PRSS23: variants seen among roughly 807,000 people sequenced by gnomAD.
The protein encoded by PRSS23 is protease, serine 23.
In PRSS23, 25 loss-of-function variants were observed where a neutral mutation model predicts 34.7. The ratio of observed to expected loss-of-function variants is 0.72; its 90% CI spans 0.53 to 1.01. The LOEUF is 1.01. Among genes scored for constraint, PRSS23 ranks in the 50% least tolerant of loss-of-function variants. PRSS23 has a pLI of 0.00. For missense variants in PRSS23, 445 were observed against 475.6 expected, an observed-to-expected ratio of 0.94 and a Z score of 0.60; for synonymous variants, 176 against 186.6, an observed-to-expected ratio of 0.94 and a Z score of 0.46.
At chr11:86,934,318 C>G (rs1949146226) in intron 2 of PRSS23, 2 of 152,158 alleles carry the variant, frequency 1.3e-5, no homozygotes, top group African/African-American at 4.8e-5. Context: ...CTCCTGGGAT[C>G]ATCTGGGTAA....
rs960934106 is a variant in PRSS23 at position 86,846,304 on chromosome 11, C to G, written c.206+22711C>G. 2.6e-5 allele frequency among the ~76,000 whole-genome samples: 4 copies of G among 152,188 alleles called. No homozygotes were observed. In the East Asian group the frequency reaches 5.8e-4, roughly 22 times the overall value. Reference sequence around the variant, plus strand: ...CATCACACTGTGAGTACAATCAGACCTCTTTTGCTTGCTATTCTGTCCTGT... The same window carrying G: ...CATCACACTGTGAGTACAATCAGACGTCTTTTGCTTGCTATTCTGTCCTGT... On this transcript the variant is annotated intron_variant, in intron 2 of 2. Coordinates refer to the PRSS23 transcript ENST00000533902.
rs143692722 is a variant in PRSS23, at chr11:86,805,866, A to G, written c.-13-1765A>G. ...TACTTTCAAACAGGAAGAGAATGAG[A>G]ATAACAAAACAGTTTCTTCCTAACT... is the stretch of plus-strand genomic sequence containing the variant. On this transcript the variant is annotated intron_variant, in intron 1 of 1. Transcript: ENST00000280258. Among the ~76,000 whole-genome samples the G allele has an allele frequency of 6.8e-4, 104 of 152,346 alleles. 1 individual carries two copies. The highest frequency in any genetic ancestry group is 2.4e-3 in the African/African-American group (101 of 41,580).
exon 3 of PRSS23, chr11:86,952,387 T>A (rs779257431): frequency 1.9e-6 from 3 of 1,614,168 alleles, no homozygotes; most frequent in Non-Finnish European, 2.5e-6. Context: ...GTCTCTTGAC[T>A]GAAAGACACA....
At chr11:86,841,400 G>T (rs1565362802) in intron 2 of PRSS23, among the ~76,000 whole-genome samples, 1 of 144,494 alleles carries the variant, frequency 6.9e-6, no homozygotes, top group Non-Finnish European at 1.5e-5. Context: ...CCAGAGCAAA[G>T]AAACTCAAAA....
intron 2 of PRSS23, among the ~76,000 whole-genome samples, chr11:86,828,964 T>C (rs1291008483): frequency 6.6e-6 from 1 of 152,314 alleles, no homozygotes; most frequent in Admixed American, 6.5e-5. Context: ...AATCTGACAA[T>C]TATGTGTCTT....
intron 2 of PRSS23, chr11:86,936,760 G>A (rs1011321703): frequency 6.6e-6 from 1 of 151,950 alleles, no homozygotes; most frequent in African/African-American, 2.4e-5. Flanking sequence ...AAATTAGCCA[G>A]GCATGGTGGT....
At chr11:86,832,650 TG>T (rs1565359646) in intron 2 of PRSS23, 1 of 444,504 alleles carries the variant, frequency 2.2e-6, no homozygotes, top group South Asian at 1.7e-5. Flanking sequence ...GCACCCTTTC[TG>T]GGGGAAGATG....
At chr11:86,850,122 T>C (rs1002153863) in intron 2 of PRSS23, among the ~76,000 whole-genome samples, 2 of 152,228 alleles carry the variant, frequency 1.3e-5, no homozygotes, top group African/African-American at 4.8e-5. Flanking sequence ...GCCATCCTAC[T>C]ATTACTCACC....
intron 2 of PRSS23, among the ~76,000 whole-genome samples, chr11:86,928,859 G>A (rs564299337): frequency 1.3e-5 from 2 of 151,486 alleles, no homozygotes; most frequent in South Asian, 2.1e-4. Flanking sequence ...AGCTTCTAAT[G>A]TGAGAAATGC....
At chr11:86,841,935 G>A (rs1948451536) in intron 2 of PRSS23, among the ~76,000 whole-genome samples, 1 of 152,146 alleles carries the variant, frequency 6.6e-6, no homozygotes, top group South Asian at 2.1e-4. Flanking sequence ...CATTTTATAA[G>A]ACCAGGATCA....
chr11:86,834,541 CTTT>C (rs1948388119), intron 2 of PRSS23, among the ~76,000 whole-genome samples: 1 of 129,168 alleles, frequency 7.7e-6, no homozygotes, highest in African/African-American at 3.0e-5. Flanking sequence ...CTTTCCTTTC[CTTT>C]CCTTTCCTTT....
At chr11:86,832,398 A>T (rs541658758) in intron 2 of PRSS23, 1 of 172,690 alleles carries the variant, frequency 5.8e-6, no homozygotes, top group South Asian at 1.5e-4. Context: ...TATTTTTCAT[A>T]TCCTAGGGAG....
chr11:86,942,766 AG>A (rs1374485930), intron 2 of PRSS23, among the ~76,000 whole-genome samples: 1 of 152,260 alleles, frequency 6.6e-6, no homozygotes, highest in Non-Finnish European at 1.5e-5. Context: ...TGTGAGGCCA[AG>A]GTCCATTTTG....
At chr11:86,928,099 T>A (rs1041192395) in intron 2 of PRSS23, among the ~76,000 whole-genome samples, 1 of 150,182 alleles carries the variant, frequency 6.7e-6, no homozygotes, top group South Asian at 2.1e-4. Flanking sequence ...TATATGTATA[T>A]GTTAATGTAA....
intron 2 of PRSS23, chr11:86,836,750 AT>A (rs1319894510): frequency 6.6e-6 from 1 of 152,234 alleles, no homozygotes; most frequent in African/African-American, 2.4e-5. Flanking sequence ...CTGGCTGTCA[AT>A]GGTCAAGCAT....
chr11:86,901,913 A>G (rs919164268), intron 2 of PRSS23, among the ~76,000 whole-genome samples: 2 of 152,198 alleles, frequency 1.3e-5, no homozygotes, highest in Admixed American at 1.3e-4. Flanking sequence ...TATGAAAACC[A>G]GGGTACTTCT....
chr11:86,792,859 G>A (rs971545375), intron 1 of PRSS23, among the ~76,000 whole-genome samples: 2 of 152,092 alleles, frequency 1.3e-5, no homozygotes, highest in Non-Finnish European at 2.9e-5. Context: ...GTAAACTTAC[G>A]GATGACGTTT....
At chr11:86,952,533 C>G (rs1240142656) in exon 3 of PRSS23, 10 of 1,576,842 alleles carry the variant, frequency 6.3e-6, no homozygotes, top group Non-Finnish European at 7.8e-6. Context: ...TGACCAAATG[C>G]TCCCACAAAG....
chr11:86,812,696 G>A (rs1948187430), downstream of PRSS23, among the ~76,000 whole-genome samples: 1 of 149,922 alleles, frequency 6.7e-6, no homozygotes, highest in African/African-American at 2.5e-5. Context: ...GCTAAGGCAG[G>A]AGAATCGCTT....
Sources: allele counts gnomAD v4.1 joint callset (sites outside exome capture counted in the v4.1 genomes callset), GRCh38; gene constraint gnomAD v4.1.1; transcripts MANE v1.5; gene names NCBI Gene and HGNC (gene_info 2026-07-23, HGNC 2026-07-21).